The following WWC2 variants were observed in gnomAD, a reference collection of about 807,000 sequenced individuals.
WWC2 encodes protein WWC2.
WWC2 carries 101 observed loss-of-function variants against 138.5 expected under a neutral mutation model. The observed-to-expected ratio is 0.73, with a 90% confidence interval of 0.62 to 0.86. The LOEUF (loss-of-function observed/expected upper bound fraction) is 0.86. Among genes scored for constraint, WWC2 ranks in the 40% least tolerant of loss-of-function variants. WWC2 has a pLI of 0.00. For missense variants in WWC2, 1,420 were observed against 1,419.4 expected, an observed-to-expected ratio of 1.00 and a Z score of -0.01; for synonymous variants, 558 against 538.4, an observed-to-expected ratio of 1.04 and a Z score of -0.50.
intron 19 of WWC2, 140 bp downstream of exon 19, chr4:183,284,530 T>A: frequency 1.0e-6 from 1 of 1,000,704 alleles, no homozygotes; most frequent in Non-Finnish European, 1.4e-6. Flanking sequence ...GTAAAACAGA[T>A]GTAGAATATC....
chr4:183,282,322 G>A (rs569517805), intron 17 of WWC2, among the ~76,000 whole-genome samples: 2 of 152,288 alleles, frequency 1.3e-5, no homozygotes, highest in South Asian at 2.1e-4. Flanking sequence ...CCTTATTTCT[G>A]TATTCACTGT....
At chr4:183,164,702 G>A (rs1734085049) in intron 1 of WWC2, among the ~76,000 whole-genome samples, 1 of 152,026 alleles carries the variant, frequency 6.6e-6, no homozygotes, top group Non-Finnish European at 1.5e-5. Flanking sequence ...CACCTGTTAG[G>A]AGGATGCTCC....
chr4:183,151,433 A>G (rs1162802636), intron 1 of WWC2, among the ~76,000 whole-genome samples: 1 of 152,112 alleles, frequency 6.6e-6, no homozygotes, highest in Non-Finnish European at 1.5e-5. Context: ...TAGATTCTGG[A>G]TATTAGCCCT....
intron 20 of WWC2, among the ~76,000 whole-genome samples, chr4:183,287,125 T>G (rs1356392669): frequency 6.6e-6 from 1 of 152,158 alleles, no homozygotes; most frequent in Non-Finnish European, 1.5e-5. Context: ...CCAGGGCCAC[T>G]CTGGTCTCAT....
intron 20 of WWC2, among the ~76,000 whole-genome samples, chr4:183,288,843 C>T (rs1439633305): frequency 1.3e-5 from 2 of 152,192 alleles, no homozygotes. Context: ...CTTAGCAACA[C>T]TGTCCAGCTG....
At chr4:183,143,732 C>T (rs1733369649) in intron 1 of WWC2, among the ~76,000 whole-genome samples, 1 of 151,782 alleles carries the variant, frequency 6.6e-6, no homozygotes, top group Non-Finnish European at 1.5e-5. Context: ...CGCTTGAGCC[C>T]AGGAGGCAGA....
rs143903207 is a variant in WWC2, at chr4:183,205,184, T to A, written c.242-2769T>A. Among the ~76,000 whole-genome samples, 841 of 152,312 alleles carry A rather than the reference T, an allele frequency of 5.5e-3. 13 individuals carry two copies. Among genetic ancestry groups the A allele is most frequent in the African/African-American group, 0.02 (815 of 41,572 alleles). On this transcript the variant is annotated intron_variant, in intron 2 of 22. Coordinates refer to ENST00000403733, the MANE Select transcript of WWC2 (RefSeq NM_024949.6). Reference sequence around the variant, plus strand: ...GACCATTTTAGATTCCCGGTAGCAATGAATGAGAATTCCAATTGCACCACA... The same window carrying A: ...GACCATTTTAGATTCCCGGTAGCAAAGAATGAGAATTCCAATTGCACCACA...
intron 1 of WWC2, among the ~76,000 whole-genome samples, chr4:183,187,554 A>AAATAATAATAAT (rs371158154): frequency 0.32 from 40,661 of 127,148 alleles, 6,923 homozygotes; most frequent in Non-Finnish European, 0.36. Context: ...CTCCGTCTCA[A>AAATAATAATAAT]AATAATAATA....
At chr4:183,154,306 G>C (rs1579993232) in intron 1 of WWC2, among the ~76,000 whole-genome samples, 1 of 152,160 alleles carries the variant, frequency 6.6e-6, no homozygotes, top group Admixed American at 6.5e-5. Context: ...TACAGTAGGG[G>C]TTATAGAAGG....
At chr4:183,280,325 A>G (rs750552287) in intron 16 of WWC2, among the ~76,000 whole-genome samples, 1 of 141,622 alleles carries the variant, frequency 7.1e-6, no homozygotes, top group Admixed American at 8.0e-5. Flanking sequence ...CAGGAATATC[A>G]TGTAGAATAT....
At chr4:183,113,504 G>C (rs1232287077) in intron 1 of WWC2, among the ~76,000 whole-genome samples, 1 of 149,848 alleles carries the variant, frequency 6.7e-6, no homozygotes, top group Non-Finnish European at 1.5e-5. Context: ...GTGTGTGTGT[G>C]TGTGTGTGTG....
intron 4 of WWC2, among the ~76,000 whole-genome samples, chr4:183,213,966 A>G (rs573934621): frequency 6.6e-6 from 1 of 151,850 alleles, no homozygotes; most frequent in Admixed American, 6.6e-5. Context: ...TAAATAGGTG[A>G]AATTTGGTGA....
intron 4 of WWC2, among the ~76,000 whole-genome samples, chr4:183,233,148 CTTTTTTTTTTTTTT>C (rs543576361): frequency 4.7e-5 from 4 of 84,772 alleles, no homozygotes; most frequent in East Asian, 6.1e-4. Context: ...CTTTTTAAAC[CTTTTTTTTTTTTTT>C]TTTTTTTTTT....
chr4:183,181,669 G>A (rs1173701264), intron 1 of WWC2, among the ~76,000 whole-genome samples: 1 of 152,122 alleles, frequency 6.6e-6, no homozygotes, highest in Non-Finnish European at 1.5e-5. Flanking sequence ...TATTGGTGAG[G>A]CTTCCGGTCA....
chr4:183,115,549 A>G (rs1732382787), intron 1 of WWC2, among the ~76,000 whole-genome samples: 2 of 152,152 alleles, frequency 1.3e-5, no homozygotes, highest in East Asian at 1.9e-4. Flanking sequence ...ACTTTTATCT[A>G]ATAGCCATTT....
At chr4:183,104,638 G>A (rs552591428) in intron 1 of WWC2, among the ~76,000 whole-genome samples, 94 of 152,228 alleles carry the variant, frequency 6.2e-4, no homozygotes, top group Non-Finnish European at 1.1e-3. Flanking sequence ...AGTGATTATA[G>A]TATTTGAAGT....
At chr4:183,157,808 T>G (rs767364422) in intron 1 of WWC2, among the ~76,000 whole-genome samples, 8 of 24,178 alleles carry the variant, frequency 3.3e-4, no homozygotes, top group Admixed American at 7.1e-4. Flanking sequence ...ACTGTGTCAC[T>G]TAATTTTTTT....
At chr4:183,121,785 C>CTTTTTT (rs528295307) in intron 1 of WWC2, among the ~76,000 whole-genome samples, 5 of 124,224 alleles carry the variant, frequency 4.0e-5, no homozygotes, top group African/African-American at 5.9e-5. Context: ...TGTTAAGAAG[C>CTTTTTT]TTTTTTTTTT....
chr4:183,209,763 T>C (rs1403491203), intron 4 of WWC2, among the ~76,000 whole-genome samples: 1 of 152,230 alleles, frequency 6.6e-6, no homozygotes, highest in Non-Finnish European at 1.5e-5. Context: ...TTGGCCTGAA[T>C]CTTTTTAACT....
Sources: allele counts gnomAD v4.1 joint callset (sites outside exome capture counted in the v4.1 genomes callset), GRCh38; gene constraint gnomAD v4.1.1; transcripts MANE v1.5; gene names NCBI Gene and HGNC (gene_info 2026-07-23, HGNC 2026-07-21).